The following AKAP13 variants were observed in gnomAD, a reference collection of about 807,000 sequenced individuals.
AKAP13 encodes A-kinase anchoring protein 13, also known as A-kinase anchor protein 13.
In AKAP13, 80 loss-of-function variants were observed where a neutral mutation model predicts 264.5. The observed-to-expected ratio is 0.30, with a 90% CI of 0.25 to 0.36. The LOEUF is 0.36. Ranked by LOEUF, AKAP13 falls within the 10% of genes least tolerant of loss-of-function variation. AKAP13 has a pLI of 1.00. For synonymous variants in AKAP13, 1,380 were observed against 1,250.2 expected (o/e 1.10, Z -2.19); for missense variants, 3,712 against 3,435.2 (o/e 1.08, Z -2.01).
intron 8 of AKAP13, among the ~76,000 whole-genome samples, chr15:85,611,247 C>T (rs2080606888): frequency 6.6e-6 from 1 of 152,192 alleles, no homozygotes; most frequent in African/African-American, 2.4e-5. Flanking sequence ...TGCCCAACCT[C>T]AGCCATTCCC....
At position 85,581,089 on chromosome 15, in the gene AKAP13, G is replaced by C; in HGVS notation, c.3021G>C (p.Leu1007=). ...AGGAAGTGGCCCCACAAGTCTCACT[G>C]CTGACTCAAGGTGGGGCTGCCCAGA... ...HNKEVAPQVS[L]LTQGGAAQSL... is the part of the protein sequence containing the mutation. Residue 1007 remains leucine (L), a synonymous_variant, in exon 7 of 37, where the codon CTG becomes CTC. Coordinates refer to ENST00000394518, the MANE Select transcript of AKAP13 (RefSeq NM_007200.5). 1.9e-6 allele frequency: 3 copies of C among 1,614,040 alleles called. No individual in the cohort carries two copies. Among genetic ancestry groups the C allele is most frequent in the Non-Finnish European group, 2.5e-6 (3 of 1,179,968 alleles).
intron 1 of AKAP13, among the ~76,000 whole-genome samples, chr15:85,442,420 AAAAAT>A (rs1312382765): frequency 2.0e-5 from 2 of 100,588 alleles, no homozygotes; most frequent in Non-Finnish European, 4.4e-5. Context: ...AAAAAAAAAA[AAAAAT>A]ATATATATAT....
intron 9 of AKAP13, among the ~76,000 whole-genome samples, chr15:85,645,082 C>T (rs1286491548): frequency 3.3e-5 from 5 of 152,122 alleles, no homozygotes; most frequent in African/African-American, 7.2e-5. Context: ...ATCATGTCAC[C>T]GTAGTACAGC....
At chr15:85,730,891 TTA>T (rs1402834878) in intron 30 of AKAP13, among the ~76,000 whole-genome samples, 184 bp downstream of exon 30, 1 of 151,952 alleles carries the variant, frequency 6.6e-6, no homozygotes, top group East Asian at 1.9e-4. Flanking sequence ...CATCAAGAAC[TTA>T]AAGGGGCCCT....
In AKAP13 at chr15:85,721,971, C is replaced by T. The variant is rs765210484; in HGVS notation, c.6253-20C>T. Reference sequence around the variant, plus strand: ...AGTTTGGCGCCCCATGGCATAACTTCTGTTCTCTTTTCTCTGCAGTTTTCA... The same window carrying T: ...AGTTTGGCGCCCCATGGCATAACTTTTGTTCTCTTTTCTCTGCAGTTTTCA... On this transcript the variant is annotated intron_variant, in intron 23 of 36. Coordinates refer to ENST00000394518, the MANE Select transcript of AKAP13 (RefSeq NM_007200.5). 6 of 1,613,440 alleles carry T rather than the reference C, an allele frequency of 3.7e-6. No individual in the cohort carries two copies. Among genetic ancestry groups the T allele is most frequent in the Non-Finnish European group, 4.2e-6 (5 of 1,179,694 alleles).
chr15:85,558,022 T>C (rs1343022068), intron 5 of AKAP13, among the ~76,000 whole-genome samples: 1 of 152,212 alleles, frequency 6.6e-6, no homozygotes, highest in East Asian at 1.9e-4. Context: ...GCCTCTTATC[T>C]CTTCTGCCAG....
rs377062656 is a variant in AKAP13, at chr15:85,469,532, C to T, written c.-11-16178C>T. The stretch of plus-strand genomic sequence containing the variant: ...TCTGGAATAGCTGCTCATCTGGAGT[C>T]ATCATTTGCAGGCCATTTCTGGTGG... On this transcript the variant is annotated intron_variant, in intron 1 of 36. Transcript: ENST00000394518. Among the ~76,000 whole-genome samples, 41 of 152,292 alleles carry T rather than the reference C, an allele frequency of 2.7e-4. 1 individual carries two copies. The East Asian group carries it at 7.7e-3, about 29-fold the overall frequency.
At chr15:85,547,246 T>C (rs1304697637) in intron 5 of AKAP13, among the ~76,000 whole-genome samples, 1 of 152,260 alleles carries the variant, frequency 6.6e-6, no homozygotes, top group Admixed American at 6.5e-5. Flanking sequence ...TAACCCCATT[T>C]ATAGCCCTTC....
Position 85,581,914 on chromosome 15 carries a change from C to A in AKAP13, c.3846C>A (p.Ser1282Arg). The change falls in exon 7 of 37, where the codon AGC becomes AGA. Residue 1282 changes from serine (S) to arginine (R), a missense_variant. Coordinates refer to ENST00000394518, the MANE Select transcript of AKAP13 (RefSeq NM_007200.5). ...AGGCCTGTCACATGTCACTGTCCAG[C>A]CCTGAGTTGGGTCCTCTCACTAAAG... ...EGEACHMSLS[S>R]PELGPLTKGL... 1 of 1,614,204 alleles carries A rather than the reference C, an allele frequency of 6.2e-7. No individual in the cohort carries two copies. Among genetic ancestry groups the A allele is most frequent in the Non-Finnish European group, 8.5e-7 (1 of 1,180,018 alleles).
At chr15:85,664,288 G>A (rs338541) in intron 12 of AKAP13, among the ~76,000 whole-genome samples, 97,122 of 152,050 alleles carry the variant, frequency 0.64, 31,208 homozygotes, top group Middle Eastern at 0.73. Context: ...CATATAGTGT[G>A]TAGAAAAAAA....
chr15:85,503,252 A>T (rs1277409724), intron 2 of AKAP13, among the ~76,000 whole-genome samples: 1 of 152,194 alleles, frequency 6.6e-6, no homozygotes, highest in Non-Finnish European at 1.5e-5. Flanking sequence ...CCATCCTCTT[A>T]GAGTTTACAA....
chr15:85,642,366 G>C (rs775444692), intron 9 of AKAP13, among the ~76,000 whole-genome samples: 1 of 152,220 alleles, frequency 6.6e-6, no homozygotes, highest in Non-Finnish European at 1.5e-5. Flanking sequence ...AGCCTGATCA[G>C]TCTAACTAAA....
chr15:85,470,596 C>T (rs977816185), intron 1 of AKAP13, among the ~76,000 whole-genome samples: 2 of 152,198 alleles, frequency 1.3e-5, no homozygotes, highest in African/African-American at 4.8e-5. Flanking sequence ...TAGAGGCTCA[C>T]GATCGGTCTT....
At chr15:85,622,849 CTCT>C (rs774000841) in intron 8 of AKAP13, among the ~76,000 whole-genome samples, 30 of 152,250 alleles carry the variant, frequency 2.0e-4, no homozygotes, top group Non-Finnish European at 3.4e-4. Context: ...CGATAAATTC[CTCT>C]TATTACATGA....
intron 2 of AKAP13, among the ~76,000 whole-genome samples, chr15:85,491,569 TATGAG>T (rs1391974642): frequency 6.7e-6 from 1 of 148,674 alleles, no homozygotes; most frequent in East Asian, 1.9e-4. Context: ...ATTTGGCTCT[TATGAG>T]AGGACAGTGT....
At chr15:85,743,916 AG>A in intron 36 of AKAP13, 91 bp downstream of exon 36, 1 of 1,424,754 alleles carries the variant, frequency 7.0e-7, no homozygotes, top group Non-Finnish European at 9.3e-7. Flanking sequence ...GGGGTTGAAA[AG>A]GGGACAGTTC....
chr15:85,741,162 C>T lies in AKAP13; in HGVS notation c.7725C>T (p.Arg2575=). 1 of 1,613,054 alleles carries T rather than the reference C, an allele frequency of 6.2e-7. No homozygotes were observed. The highest frequency in any genetic ancestry group is 8.5e-7 in the Non-Finnish European group (1 of 1,179,536). ...CCCTCATTGAGCAGGAGAAGCAGCG[C>T]AGCCTGGAGAAGCAGCGCCAGGACC... ...PSSLIEQEKQ[R]SLEKQRQDLA... is the part of the protein sequence containing the mutation. The change falls in exon 35 of 37, where the codon CGC becomes CGT. Residue 2575 remains arginine (R), a synonymous_variant. Coordinates refer to ENST00000394518, the MANE Select transcript of AKAP13 (RefSeq NM_007200.5).
intron 25 of AKAP13, 83 bp downstream of exon 25, chr15:85,722,430 G>A (rs960916664): frequency 1.9e-5 from 21 of 1,123,206 alleles, no homozygotes; most frequent in African/African-American, 3.1e-5. Flanking sequence ...CCATGGAAGT[G>A]CTATTTCATG....
chr15:85,714,405 A>G (rs1299924908), intron 19 of AKAP13, among the ~76,000 whole-genome samples: 1 of 152,218 alleles, frequency 6.6e-6, no homozygotes, highest in Non-Finnish European at 1.5e-5. Flanking sequence ...CATGTTGTTC[A>G]GGGGTCATCT....
Sources: gnomAD v4.1 joint callset for allele counts (sites outside exome capture counted in the v4.1 genomes callset) on GRCh38, gnomAD v4.1.1 for gene constraint, MANE v1.5 for transcripts, NCBI Gene and HGNC (gene_info 2026-07-23, HGNC 2026-07-21) for gene names.